Variants in PPP1R1C observed in about 807,000 individuals in gnomAD.
The protein encoded by PPP1R1C is protein phosphatase 1 regulatory inhibitor subunit 1C.
In PPP1R1C, 15 loss-of-function variants were observed where a neutral mutation model predicts 17.4. The ratio of observed to expected loss-of-function variants is 0.86; its 90% CI spans 0.58 to 1.33. The LOEUF is 1.33. Ranked by LOEUF, PPP1R1C falls within the 40% of genes most tolerant of loss-of-function variation. The pLI is 0.00. For missense variants in PPP1R1C, 143 were observed against 130.0 expected (o/e 1.10, Z -0.48); for synonymous variants, 35 against 43.1 (o/e 0.81, Z 0.73).
At chr2:182,003,687 ATG>A (rs113337793) in intron 2 of PPP1R1C, among the ~76,000 whole-genome samples, 12 of 149,548 alleles carry the variant, frequency 8.0e-5, no homozygotes, top group South Asian at 2.1e-4. Context: ...TTTTTGCTGG[ATG>A]TGTGTGTGTG....
At chr2:182,081,258 G>A (rs1000474375) in intron 4 of PPP1R1C, among the ~76,000 whole-genome samples, 1 of 152,150 alleles carries the variant, frequency 6.6e-6, no homozygotes, top group Non-Finnish European at 1.5e-5. Context: ...TTATACAAAA[G>A]GGGGTTAAAG....
At chr2:181,985,539 T>G (rs923225331), upstream of PPP1R1C, among the ~76,000 whole-genome samples, 1 of 152,200 alleles carries the variant, frequency 6.6e-6, no homozygotes. The surrounding 1 kb of genome is among the most constrained non-coding windows in gnomAD (Gnocchi z 4.1). Flanking sequence ...CATTCAACTG[T>G]TTCGTGGCTG....
chr2:182,116,934 T>C (rs1236881761), intron 4 of PPP1R1C, among the ~76,000 whole-genome samples: 4 of 152,148 alleles, frequency 2.6e-5, no homozygotes, highest in Non-Finnish European at 5.9e-5. Flanking sequence ...AGATTTTTAG[T>C]TAACAGGTTT....
intron 2 of PPP1R1C, among the ~76,000 whole-genome samples, chr2:182,019,218 G>A (rs984588043): frequency 6.6e-6 from 1 of 152,176 alleles, no homozygotes; most frequent in Non-Finnish European, 1.5e-5. Flanking sequence ...GTCAATCTGT[G>A]GAGCTAGATG....
At chr2:182,122,529 G>A (rs900427741), downstream of PPP1R1C, among the ~76,000 whole-genome samples, 5 of 151,956 alleles carry the variant, frequency 3.3e-5, no homozygotes, top group Non-Finnish European at 7.4e-5. Context: ...ATAATTGAAC[G>A]AAAGTTTGGA....
At chr2:182,124,314 G>GTTTT (rs796745919) in intron 5 of PPP1R1C, among the ~76,000 whole-genome samples, 1 of 42,096 alleles carries the variant, frequency 2.4e-5, no homozygotes, top group African/African-American at 6.8e-5. Flanking sequence ...GTTTTTTTTT[G>GTTTT]TTTTTTTTTT....
intron 2 of PPP1R1C, among the ~76,000 whole-genome samples, chr2:182,014,520 A>G (rs1686199819): frequency 6.6e-6 from 1 of 152,068 alleles, no homozygotes; most frequent in Non-Finnish European, 1.5e-5. Context: ...AGTCTTGCCC[A>G]AGGCCCATGG....
intron 4 of PPP1R1C, among the ~76,000 whole-genome samples, chr2:182,077,094 A>G (rs1000144492): frequency 6.6e-6 from 1 of 152,228 alleles, no homozygotes; most frequent in Admixed American, 6.5e-5. Context: ...TCAAATTTTT[A>G]GAAAATTACT....
At chr2:182,019,499 A>C (rs1293141290) in intron 2 of PPP1R1C, among the ~76,000 whole-genome samples, 1 of 152,172 alleles carries the variant, frequency 6.6e-6, no homozygotes, top group African/African-American at 2.4e-5. Context: ...CAATGGTACT[A>C]TGCTGTTTGT....
At chr2:182,055,529 C>G (rs1341323564) in intron 2 of PPP1R1C, among the ~76,000 whole-genome samples, 2 of 152,086 alleles carry the variant, frequency 1.3e-5, no homozygotes, top group Non-Finnish European at 2.9e-5. Flanking sequence ...TAGGGTATAT[C>G]TGCTAGTGAG....
intron 2 of PPP1R1C, among the ~76,000 whole-genome samples, chr2:182,031,554 G>T (rs540442584): frequency 7.9e-5 from 12 of 152,206 alleles, no homozygotes; most frequent in Non-Finnish European, 1.2e-4. Flanking sequence ...TTTTTTAAAA[G>T]AATTCAACAA....
intron 1 of PPP1R1C, among the ~76,000 whole-genome samples, chr2:181,966,211 G>T (rs1684900900): frequency 6.6e-6 from 1 of 152,080 alleles, no homozygotes; most frequent in African/African-American, 2.4e-5. Context: ...TTTGGTGGAG[G>T]CTTTAGGTTT....
chr2:182,110,604 A>G (rs1443896053), intron 4 of PPP1R1C, among the ~76,000 whole-genome samples: 1 of 152,126 alleles, frequency 6.6e-6, no homozygotes, highest in East Asian at 1.9e-4. Flanking sequence ...AAATGCCAGC[A>G]CAGGATGTTA....
chr2:182,076,217 T>C (rs1345267023), intron 4 of PPP1R1C, among the ~76,000 whole-genome samples: 2 of 102,880 alleles, frequency 1.9e-5, no homozygotes, highest in Non-Finnish European at 3.8e-5. Context: ...TTTTTTTTTT[T>C]TTTTTTTTTT....
At chr2:181,978,449 A>C (rs1198289452) in intron 2 of PPP1R1C, among the ~76,000 whole-genome samples, 1 of 152,216 alleles carries the variant, frequency 6.6e-6, no homozygotes, top group Non-Finnish European at 1.5e-5. Context: ...GATGACTTGA[A>C]TAGCTAGGGA....
intron 4 of PPP1R1C, among the ~76,000 whole-genome samples, chr2:182,071,084 A>G (rs534140891): frequency 2.0e-5 from 3 of 152,172 alleles, no homozygotes; most frequent in Non-Finnish European, 4.4e-5. Context: ...TTGGATGGGG[A>G]CACAGATCCA....
intron 2 of PPP1R1C, among the ~76,000 whole-genome samples, chr2:182,015,503 G>A (rs530058902): frequency 6.6e-6 from 1 of 152,234 alleles, no homozygotes; most frequent in Admixed American, 6.5e-5. Context: ...CACTGCAGCT[G>A]AGATTATGTT....
intron 2 of PPP1R1C, among the ~76,000 whole-genome samples, chr2:182,006,728 A>G (rs879214579): frequency 1.3e-5 from 2 of 152,214 alleles, no homozygotes; most frequent in Admixed American, 1.3e-4. Flanking sequence ...AGAAGTTGAA[A>G]CACAACCCTG....
intron 4 of PPP1R1C, among the ~76,000 whole-genome samples, chr2:182,084,082 C>T (rs1399313696): frequency 6.6e-6 from 1 of 151,892 alleles, no homozygotes; most frequent in East Asian, 1.9e-4. Flanking sequence ...GCTATCTATT[C>T]ATGTCATTTG....
Sources: allele counts gnomAD v4.1 joint callset (sites outside exome capture counted in the v4.1 genomes callset), GRCh38; gene constraint gnomAD v4.1.1; non-coding constraint Gnocchi (gnomAD v3.1); transcripts MANE v1.5; gene names NCBI Gene and HGNC (gene_info 2026-07-23, HGNC 2026-07-21).